The following DPYD variants were observed in gnomAD, a reference collection of about 807,000 sequenced individuals.
DPYD encodes the protein dihydropyrimidine dehydrogenase.
In DPYD, 109 loss-of-function variants were observed where a neutral mutation model predicts 116.2. The observed-to-expected ratio is 0.94, with a 90% CI of 0.80 to 1.10. The LOEUF is 1.10. DPYD is among the 50% of genes least tolerant of loss of function. DPYD has a pLI of 0.00. For missense variants in DPYD, 1,302 were observed against 1,254.5 expected (o/e 1.04, Z -0.57); for synonymous variants, 440 against 432.0 (o/e 1.02, Z -0.23).
intron 19 of DPYD, among the ~76,000 whole-genome samples, chr1:97,205,393 T>A (rs1232092789): frequency 6.6e-6 from 1 of 151,924 alleles, no homozygotes; most frequent in African/African-American, 2.4e-5. Flanking sequence ...TTTTCCAATA[T>A]GTCGTATAAT....
chr1:97,723,395 T>C (rs1663033528), intron 4 of DPYD, among the ~76,000 whole-genome samples: 1 of 151,522 alleles, frequency 6.6e-6, no homozygotes, highest in African/African-American at 2.4e-5. Flanking sequence ...CTCAATAGAT[T>C]ACAGAATCTA....
intron 16 of DPYD, among the ~76,000 whole-genome samples, chr1:97,310,529 T>C (rs1056011729): frequency 7.9e-5 from 12 of 151,824 alleles, no homozygotes; most frequent in African/African-American, 2.9e-4. Flanking sequence ...GGACAGGCAG[T>C]CAACTGTTCC....
At chr1:97,217,041 C>T (rs536917244) in intron 19 of DPYD, among the ~76,000 whole-genome samples, 277 of 152,084 alleles carry the variant, frequency 1.8e-3, no homozygotes, top group Non-Finnish European at 3.4e-3. Flanking sequence ...AACTCCGTCT[C>T]TACTAAAAAC....
intron 18 of DPYD, among the ~76,000 whole-genome samples, chr1:97,248,564 TA>T (rs1662877938): frequency 6.6e-6 from 1 of 152,138 alleles, no homozygotes; most frequent in Non-Finnish European, 1.5e-5. Context: ...GAAAATCAAT[TA>T]ATGTAATTCA....
In DPYD at chr1:97,308,023, A is replaced by G. The variant is rs1667270808; in HGVS notation, c.2059-1726T>C. On this transcript the variant is annotated intron_variant, in intron 16 of 22. Coordinates refer to ENST00000370192, the MANE Select transcript of DPYD (RefSeq NM_000110.4). ...GTCCTGATAAGAATTACTGAAACAA[A>G]TTTGAAATATTATTTGGTTCCAATA... 2.0e-5 allele frequency among the ~76,000 whole-genome samples: 3 copies of G among 151,996 alleles called. No homozygotes were observed. In the South Asian group the frequency reaches 6.2e-4, roughly 31 times the overall value.
intron 18 of DPYD, among the ~76,000 whole-genome samples, chr1:97,284,215 G>A (rs540519854): frequency 2.0e-5 from 3 of 151,886 alleles, no homozygotes; most frequent in South Asian, 4.2e-4. Flanking sequence ...CAATGTTCAT[G>A]GTATATATCT....
intron 13 of DPYD, among the ~76,000 whole-genome samples, chr1:97,478,410 C>G (rs1490727546): frequency 6.6e-6 from 1 of 152,156 alleles, no homozygotes; most frequent in Non-Finnish European, 1.5e-5. Context: ...GCCTCAGCCT[C>G]CCAAGTAGCT....
At chr1:97,186,312 T>A (rs1281714534) in intron 20 of DPYD, among the ~76,000 whole-genome samples, 2 of 152,102 alleles carry the variant, frequency 1.3e-5, no homozygotes, top group Non-Finnish European at 2.9e-5. Flanking sequence ...AGTGGTGAAG[T>A]TTGAGCTTTT....
Position 97,679,187 on chromosome 1 carries a change from A to C in DPYD, c.763-5T>G. 1 of 1,492,384 alleles carries C rather than the reference A, an allele frequency of 6.7e-7. No individual in the cohort carries two copies. Among genetic ancestry groups the C allele is most frequent in the Non-Finnish European group, 9.2e-7 (1 of 1,084,234 alleles). 92.4% of individuals were successfully genotyped at this position (1,492,384 alleles called of 1,614,324 possible). ...AAGGCTTTTACCGCAAATTATCTAT[A>C]AGAAACAATATTTTGCATAAGAAAA... On this transcript the variant is annotated splice_region_variant and splice_polypyrimidine_tract_variant and intron_variant, in intron 7 of 22. Transcript: ENST00000370192.
intron 13 of DPYD, among the ~76,000 whole-genome samples, chr1:97,510,623 G>A (rs1647716812): frequency 1.3e-5 from 2 of 151,904 alleles, no homozygotes; most frequent in Non-Finnish European, 2.9e-5. Context: ...GGGCAAGTTA[G>A]GACTGTTTGC....
chr1:97,306,889 A>G (rs900973458), intron 16 of DPYD, among the ~76,000 whole-genome samples: 1 of 151,910 alleles, frequency 6.6e-6, no homozygotes, highest in African/African-American at 2.4e-5. Flanking sequence ...ACTTTTGTAA[A>G]TGTTACCAAG....
chr1:97,501,514 C>A (rs1280065749), intron 13 of DPYD, among the ~76,000 whole-genome samples: 1 of 151,872 alleles, frequency 6.6e-6, no homozygotes, highest in Non-Finnish European at 1.5e-5. Flanking sequence ...CCAGCCTGGG[C>A]AACATAACAA....
chr1:97,412,534 T>C (rs1183803437), intron 14 of DPYD, among the ~76,000 whole-genome samples: 1 of 152,224 alleles, frequency 6.6e-6, no homozygotes, highest in African/African-American at 2.4e-5. Context: ...ATTATGCATT[T>C]TTTATACCAT....
chr1:97,835,078 T>A (rs1362232386), intron 2 of DPYD, among the ~76,000 whole-genome samples: 1 of 152,046 alleles, frequency 6.6e-6, no homozygotes, highest in Admixed American at 6.6e-5. Flanking sequence ...ATTTCACTAA[T>A]TGTGGCCAGC....
At chr1:97,892,820 T>C (rs576378697) in intron 1 of DPYD, among the ~76,000 whole-genome samples, 6 of 151,992 alleles carry the variant, frequency 3.9e-5, no homozygotes, top group Non-Finnish European at 7.4e-5. Flanking sequence ...GAATCTCTGA[T>C]AGTCCTAAAT....
chr1:97,743,617 GAT>G (rs1326457520), intron 3 of DPYD, among the ~76,000 whole-genome samples: 1 of 152,078 alleles, frequency 6.6e-6, no homozygotes, highest in Non-Finnish European at 1.5e-5. Flanking sequence ...GCATTACAAT[GAT>G]ATAGGCAAAT....
chr1:97,156,355 G>T (rs12026200), intron 20 of DPYD, among the ~76,000 whole-genome samples: 1 of 151,498 alleles, frequency 6.6e-6, no homozygotes, highest in African/African-American at 2.4e-5. Context: ...GAAAATTTTC[G>T]CAACCTACTC....
Position 97,878,270 on chromosome 1 carries a change from T to C in DPYD, c.150+4994A>G, listed in dbSNP as rs189466297. On this transcript the variant is annotated intron_variant, in intron 2 of 22. Coordinates refer to ENST00000370192, the MANE Select transcript of DPYD (RefSeq NM_000110.4). ...GAGTCTTTGTTAGCCCCTTATATTT[T>C]GAACCTCAGGCCAGTGCCTCACTTG... 1.2e-3 allele frequency among the ~76,000 whole-genome samples: 179 copies of C among 152,060 alleles called. 1 individual carries two copies. Among genetic ancestry groups the C allele is most frequent in the Non-Finnish European group, 1.8e-3 (125 of 67,948 alleles).
At chr1:97,174,677 T>C (rs527865104) in intron 20 of DPYD, among the ~76,000 whole-genome samples, 5 of 152,296 alleles carry the variant, frequency 3.3e-5, no homozygotes, top group South Asian at 2.1e-4. Context: ...GTATTTCTTA[T>C]ATGATATATC....
Sources: gnomAD v4.1 joint callset for allele counts (sites outside exome capture counted in the v4.1 genomes callset) on GRCh38, gnomAD v4.1.1 for gene constraint, MANE v1.5 for transcripts, NCBI Gene and HGNC (gene_info 2026-07-23, HGNC 2026-07-21) for gene names.